NACAD: variants seen among roughly 807,000 people sequenced by gnomAD.
NACAD encodes NAC-alpha domain-containing protein 1.
Under a neutral mutation model 98.9 loss-of-function variants are expected in NACAD, and 47 were observed. That is an observed-to-expected ratio of 0.48 (90% confidence interval 0.38 to 0.61). The LOEUF (loss-of-function observed/expected upper bound fraction) is 0.61. NACAD is among the 20% of genes least tolerant of loss of function. NACAD has a pLI of 0.00. For missense variants in NACAD, 1,412 were observed against 1,748.2 expected, an observed-to-expected ratio of 0.81 and a Z score of 3.43; for synonymous variants, 696 against 767.2, an observed-to-expected ratio of 0.91 and a Z score of 1.53.
Position 45,085,164 on chromosome 7 carries a change from A to T in NACAD, c.1016T>A (p.Val339Glu). Residue 339 changes from valine (V) to glutamate (E), a missense_variant, in exon 2 of 8, where the codon GTG becomes GAG. Around this residue, in one of 5 missense-constraint regions of NACAD, gnomAD observed 638 missense variants for 722.7 expected, o/e 0.88. Transcript: ENST00000490531. This position sits in a 1 kb window ranked among gnomAD's most constrained non-coding sequence, Gnocchi z 6.1. Reference protein sequence around the residue: ...LSPEEEEEEAVADPDPGGDLA... With the variant: ...LSPEEEEEEAEADPDPGGDLA... ...GTCCCCACCTGGGTCGGGATCCGCC[A>T]CAGCCTCCTCTTCTTCTTCCTCTGG... is the stretch of plus-strand genomic sequence containing the variant. 6.4e-7 allele frequency: 1 copy of T among 1,550,672 alleles called. No homozygotes were observed. The highest frequency in any genetic ancestry group is 8.7e-7 in the Non-Finnish European group (1 of 1,146,502).
In NACAD at chr7:45,084,750, T is replaced by C. The variant is rs1412447222; in HGVS notation, c.1430A>G (p.Gln477Arg). The C allele has an allele frequency of 6.4e-7, 1 of 1,551,218 alleles. No homozygotes were observed. The highest frequency in any genetic ancestry group is 1.2e-5 in the South Asian group (1 of 84,008). ...EVTEEGLALG[Q>R]ESTATVTPHT... ...AGGGGTCACAGTGGCAGTGGACTCC[T>C]GGCCTAAAGCAAGGCCCTCTTCTGT... The change falls in exon 2 of 8, where the codon CAG becomes CGG. Residue 477 changes from glutamine (Q) to arginine (R), a missense_variant. Gln to Arg is a conservative substitution (Grantham distance 43). Around this residue, in one of 5 missense-constraint regions of NACAD, gnomAD observed 638 missense variants for 722.7 expected, o/e 0.88. Transcript: ENST00000490531.
chr7:45,085,186 C>T lies in NACAD; in HGVS notation c.994G>A (p.Glu332Lys). 1.9e-6 allele frequency: 3 copies of T among 1,551,186 alleles called. No individual in the cohort carries two copies. The highest frequency in any genetic ancestry group is 2.6e-6 in the Non-Finnish European group (3 of 1,146,752). ...GCCACAGCCTCCTCTTCTTCTTCCT[C>T]TGGGGATAGCGGTGTCACCTCCACT... ...EAVEVTPLSP[E>K]EEEEEAVADP... is the part of the protein sequence containing the mutation. Residue 332 changes from glutamate to lysine, a missense_variant, in exon 2 of 8, where the codon GAG becomes AAG. Coordinates refer to ENST00000490531, the MANE Select transcript of NACAD (RefSeq NM_001146334.2). The surrounding 1 kb of genome is among the most constrained non-coding windows in gnomAD (Gnocchi z 6.1).
In NACAD at chr7:45,088,817, C is replaced by T; in HGVS notation, c.67+11G>A. ...AGGCTGAAGGCAGGGAAAGAGTGGC[C>T]ACGGCCTCACCTGTGCGGGGCCCGG... On this transcript the variant is annotated intron_variant, in intron 1 of 7. Coordinates refer to ENST00000490531, the MANE Select transcript of NACAD (RefSeq NM_001146334.2). The surrounding 1 kb of genome is among the most constrained non-coding windows in gnomAD (Gnocchi z 5.7). 6.7e-7 allele frequency: 1 copy of T among 1,483,214 alleles called. No homozygotes were observed. The highest frequency in any genetic ancestry group is 8.9e-7 in the Non-Finnish European group (1 of 1,121,152). The allele number at this position is 1,483,214 out of a possible 1,614,324, so 91.9% of individuals were successfully genotyped here.
Position 45,081,848 on chromosome 7 carries a change from G to A in NACAD, c.4092C>T (p.Gly1364=), listed in dbSNP as rs1784435276. 6.5e-7 allele frequency: 1 copy of A among 1,547,146 alleles called. No individual in the cohort carries two copies. Among genetic ancestry groups the A allele is most frequent in the Non-Finnish European group, 8.7e-7 (1 of 1,146,940 alleles). The change falls in exon 3 of 8, where the codon GGC becomes GGT. Residue 1364 remains glycine, a synonymous_variant. Coordinates refer to ENST00000490531, the MANE Select transcript of NACAD (RefSeq NM_001146334.2). ...SLEEDSPRAL[G]SGQHSDSHGE... ...CGTGGCTATCCGAATGCTGGCCCGAGCCCAGGGCCCGAGGCGAGTCTGGGG... is the reference window on the plus strand; with the variant it reads ...CGTGGCTATCCGAATGCTGGCCCGAACCCAGGGCCCGAGGCGAGTCTGGGG...
Position 45,082,230 on chromosome 7 carries a change from T to A in NACAD, c.3950A>T (p.Asp1317Val). The change falls in exon 2 of 8, where the codon GAC (aspartate) becomes GTC (valine). Residue 1317 changes from aspartate (D) to valine (V), a missense_variant. By Grantham distance (152) the Asp-to-Val change is radical (BLOSUM62 -3). Around this residue, in one of 5 missense-constraint regions of NACAD, gnomAD observed 572 missense variants for 639.6 expected, o/e 0.89. Transcript: ENST00000490531. The surrounding 1 kb of genome is among the most constrained non-coding windows in gnomAD (Gnocchi z 4.5). ...AGGCGGCAAGATCTGCAAGGCCAGG[T>A]CTTTGGCATCCATGGAGGCCACCTT... is the stretch of plus-strand genomic sequence containing the variant. ...SPKVASMDAK[D>V]LALQILPPCQ... The A allele has an allele frequency of 6.5e-7, 1 of 1,547,078 alleles. No individual in the cohort carries two copies.
At position 45,083,064 on chromosome 7, in the gene NACAD, T is replaced by C; in HGVS notation, c.3116A>G (p.Glu1039Gly). The C allele has an allele frequency of 1.9e-6, 3 of 1,550,794 alleles. No homozygotes were observed. In the African/African-American group the frequency reaches 4.1e-5, roughly 21 times the overall value. ...CCTAGAAAGGGCTTCTGCTATTTCC[T>C]CCCCAGCACCAGAGGCCGGCTCAGG... Reference protein sequence around the residue: ...SLPEPASGAGEEIAEALSRPG... With the variant: ...SLPEPASGAGGEIAEALSRPG... Residue 1039 changes from glutamate (E) to glycine (G), a missense_variant, in exon 2 of 8, where the codon GAG becomes GGG. Physicochemically the swap from Glu to Gly is moderately conservative, Grantham distance 98. Coordinates refer to ENST00000490531, the MANE Select transcript of NACAD (RefSeq NM_001146334.2).
Position 45,084,765 on chromosome 7 carries a change from C to T in NACAD, c.1415G>A (p.Gly472Asp), listed in dbSNP as rs1279363502. ...QELISEVTEE[G>D]LALGQESTAT... The stretch of plus-strand genomic sequence containing the variant: ...AGTGGACTCCTGGCCTAAAGCAAGG[C>T]CCTCTTCTGTTACTTCTGAGATCAA... Residue 472 changes from glycine (G) to aspartate (D), a missense_variant, in exon 2 of 8, where the codon GGC (glycine) becomes GAC (aspartate). Physicochemically the swap from Gly to Asp is moderately conservative, Grantham distance 94. Transcript: ENST00000490531. 1.9e-6 allele frequency: 3 copies of T among 1,551,182 alleles called. No homozygotes were observed. In the East Asian group the frequency reaches 7.3e-5, roughly 38 times the overall value.
chr7:45,086,649 C>T (rs191121022), intron 1 of NACAD, among the ~76,000 whole-genome samples: 31 of 152,378 alleles, frequency 2.0e-4, no homozygotes, highest in Admixed American at 2.0e-3. Flanking sequence ...TTGCTACCTA[C>T]ACTTGAGGCC....
rs923283506 is a variant in NACAD at position 45,080,472 on chromosome 7, G to A, written c.*37C>T. On this transcript the variant is annotated 3_prime_UTR_variant, in exon 8 of 8. Transcript: ENST00000490531. ...CCGATTTATTGAGTAGCAGAGCTGA[G>A]GGAAGGCGTAGGATGGCTCCAGCTT... is the stretch of plus-strand genomic sequence containing the variant. 19 of 1,551,260 alleles carry A rather than the reference G, an allele frequency of 1.2e-5. No homozygotes were observed. In the East Asian group the frequency reaches 3.9e-4, roughly 32 times the overall value.
In NACAD at chr7:45,086,101, C is replaced by T. The variant is rs141784618; in HGVS notation, c.79G>A (p.Asp27Asn). 21,030 of 1,535,792 alleles carry T rather than the reference C, an allele frequency of 0.014. 192 individuals carry two copies. The highest frequency in any genetic ancestry group is 0.016 in the Non-Finnish European group (18,097 of 1,146,796). The part of the protein sequence containing the change: ...RPGPRTDLSC[D>N]AAAATTILGG... ...AGGATGGTGGTGGCAGCGGCCGCAT[C>T]GCAGGACAGATCTGTGGAGATAGAG... is the stretch of plus-strand genomic sequence containing the variant. The change falls in exon 2 of 8, where the codon GAT (aspartate) becomes AAT (asparagine). Residue 27 changes from aspartate to asparagine, a missense_variant. Physicochemically the swap from Asp to Asn is conservative, Grantham distance 23. Coordinates refer to ENST00000490531, the MANE Select transcript of NACAD (RefSeq NM_001146334.2).
chr7:45,088,807 A>C lies in NACAD; in HGVS notation c.67+21T>G, dbSNP rs1386795748. 5 of 1,480,250 alleles carry C rather than the reference A, an allele frequency of 3.4e-6. No individual in the cohort carries two copies. In the Admixed American group the frequency reaches 1.1e-4, roughly 33 times the overall value. 91.7% of individuals were successfully genotyped at this position (1,480,250 alleles called of 1,614,324 possible). The stretch of plus-strand genomic sequence containing the variant: ...GAGAGGGGAGAGGCTGAAGGCAGGG[A>C]AAGAGTGGCCACGGCCTCACCTGTG... On this transcript the variant is annotated intron_variant, in intron 1 of 7. Coordinates refer to ENST00000490531, the MANE Select transcript of NACAD (RefSeq NM_001146334.2). The surrounding 1 kb of genome is among the most constrained non-coding windows in gnomAD (Gnocchi z 5.7).
In NACAD at chr7:45,081,275, G is replaced by A. The variant is rs1183926531; in HGVS notation, c.4258-12C>T. 5 of 1,550,376 alleles carry A rather than the reference G, an allele frequency of 3.2e-6. No individual in the cohort carries two copies. The highest frequency in any genetic ancestry group is 4.4e-6 in the Non-Finnish European group (5 of 1,146,758). ...AGCTTTGACATTGCCTGGGAGTAGA[G>A]GGCAGAGGGGGGCTCAGACCTGGTG... On this transcript the variant is annotated splice_polypyrimidine_tract_variant and intron_variant, in intron 4 of 7. Transcript: ENST00000490531.
At position 45,085,502 on chromosome 7, in the gene NACAD, G is replaced by A; in HGVS notation, c.678C>T (p.Asp226=). 2 of 1,550,766 alleles carry A rather than the reference G, an allele frequency of 1.3e-6. No homozygotes were observed. Among genetic ancestry groups the A allele is most frequent in the Non-Finnish European group, 1.7e-6 (2 of 1,146,938 alleles). ...PSGSYITADG[D]SWASSPSCSL... ...AACAGGAGGGTGAAGAGGCCCAGCT[G>A]TCCCCATCGGCCGTAATGTAGGAGC... is the stretch of plus-strand genomic sequence containing the variant. The change falls in exon 2 of 8, where the codon GAC becomes GAT. Residue 226 remains aspartate, a synonymous_variant. Coordinates refer to ENST00000490531, the MANE Select transcript of NACAD (RefSeq NM_001146334.2). The surrounding 1 kb of genome is among the most constrained non-coding windows in gnomAD (Gnocchi z 6.1).
rs982427407 is a variant in NACAD, at chr7:45,085,934, G to A, written c.246C>T (p.Ala82=). 3 of 1,541,090 alleles carry A rather than the reference G, an allele frequency of 1.9e-6. No individual in the cohort carries two copies. In the African/African-American group the frequency reaches 4.1e-5, roughly 21 times the overall value. The change falls in exon 2 of 8, where the codon GCC becomes GCT. Residue 82 remains alanine, a synonymous_variant. Coordinates refer to ENST00000490531, the MANE Select transcript of NACAD (RefSeq NM_001146334.2). The surrounding 1 kb of genome is among the most constrained non-coding windows in gnomAD (Gnocchi z 6.1). ...GGCCGCCCTCCCCTGGGTCCGCCCAGGCCGAGGGTGCCCCACCAGGCCCTG... is the reference window on the plus strand; with the variant it reads ...GGCCGCCCTCCCCTGGGTCCGCCCAAGCCGAGGGTGCCCCACCAGGCCCTG... ...WDAGPGGAPS[A]WADPGEGGPS...
Position 45,080,832 on chromosome 7 carries a change from C to T in NACAD, c.4551+44G>A, listed in dbSNP as rs1468251223. The T allele has an allele frequency of 4.5e-6, 7 of 1,549,382 alleles. No homozygotes were observed. The East Asian group carries it at 1.2e-4, about 27-fold the overall frequency. ...CCTGGGGCAGAGCCCCCATGTAGCG[C>T]CTCCCACCACCCCCTGCGAGGCCCT... is the stretch of plus-strand genomic sequence containing the variant. On this transcript the variant is annotated intron_variant, in intron 6 of 7. Coordinates refer to ENST00000490531, the MANE Select transcript of NACAD (RefSeq NM_001146334.2).
chr7:45,087,800 G>A (rs1399082971), intron 1 of NACAD, among the ~76,000 whole-genome samples: 11 of 152,328 alleles, frequency 7.2e-5, no homozygotes, highest in Middle Eastern at 3.4e-3. Flanking sequence ...GTGGCTGGTG[G>A]GGCATCACTG....
rs1423939552 is a variant in NACAD, at chr7:45,088,545, G to T, written c.67+283C>A. On this transcript the variant is annotated intron_variant, in intron 1 of 7. Coordinates refer to ENST00000490531, the MANE Select transcript of NACAD (RefSeq NM_001146334.2). This position sits in a 1 kb window ranked among gnomAD's most constrained non-coding sequence, Gnocchi z 5.7. ...TCGGTGCAAACAACGGGATGCAGCG[G>T]GCGGGATGCGAGCCCCACGATCCCT... Among the ~76,000 whole-genome samples, 3 of 152,220 alleles carry T rather than the reference G, an allele frequency of 2.0e-5. No individual in the cohort carries two copies. In the East Asian group the frequency reaches 5.8e-4, roughly 29 times the overall value.
rs372371122 is a variant in NACAD, at chr7:45,085,591, C to G, written c.589G>C (p.Ala197Pro). Reference protein sequence around the residue: ...LLPACGPHGDARDSEAELRDE... With the variant: ...LLPACGPHGDPRDSEAELRDE... ...CGCAGCTCAGCCTCTGAGTCCCTGG[C>G]GTCCCCGTGGGGCCCACAGGCAGGA... The change falls in exon 2 of 8, where the codon GCC becomes CCC. Residue 197 changes from alanine to proline, a missense_variant. Physicochemically the swap from Ala to Pro is conservative, Grantham distance 27 (BLOSUM62 -1). This residue lies in a region of NACAD where 638 missense variants were observed against 722.7 expected (regional missense o/e 0.88). Coordinates refer to ENST00000490531, the MANE Select transcript of NACAD (RefSeq NM_001146334.2). This position sits in a 1 kb window ranked among gnomAD's most constrained non-coding sequence, Gnocchi z 6.1. 1 of 1,549,800 alleles carries G rather than the reference C, an allele frequency of 6.5e-7. No individual in the cohort carries two copies. Among genetic ancestry groups the G allele is most frequent in the Admixed American group, 2.0e-5 (1 of 50,900 alleles).
chr7:45,086,751 G>C (rs1294927992), intron 1 of NACAD, among the ~76,000 whole-genome samples: 1 of 152,258 alleles, frequency 6.6e-6, no homozygotes, highest in Non-Finnish European at 1.5e-5. Context: ...ACGCAGCCAA[G>C]TTTCTGGAGA....
Sources: gnomAD v4.1 joint callset for allele counts (sites outside exome capture counted in the v4.1 genomes callset) on GRCh38, gnomAD v4.1.1 for gene constraint, gnomAD v4.1.1 regional missense constraint, Gnocchi (gnomAD v3.1) non-coding constraint, MANE v1.5 for transcripts, NCBI Gene and HGNC (gene_info 2026-07-23, HGNC 2026-07-21) for gene names.